The following TMEM260 variants were observed in gnomAD, a reference collection of about 807,000 sequenced individuals.
The protein encoded by TMEM260 is transmembrane protein 260.
In TMEM260, 82 loss-of-function variants were observed where a neutral mutation model predicts 88.9. That is an observed-to-expected ratio of 0.92 (90% confidence interval 0.77 to 1.11). The LOEUF (loss-of-function observed/expected upper bound fraction) is 1.11, where lower values mean the gene tolerates loss of function less well. TMEM260 is among the 50% of genes least tolerant of loss of function. The pLI is 0.00. For synonymous variants in TMEM260, 314 were observed against 309.3 expected (o/e 1.02, Z -0.16); for missense variants, 902 against 853.4 (o/e 1.06, Z -0.71).
intron 6 of TMEM260, among the ~76,000 whole-genome samples, chr14:56,610,354 C>T (rs1385164686): frequency 6.6e-6 from 1 of 152,156 alleles, no homozygotes; most frequent in African/African-American, 2.4e-5. Context: ...CATTCTGCTG[C>T]CTCAGCCTCC....
downstream of TMEM260, among the ~76,000 whole-genome samples, chr14:56,654,617 G>A (rs1485823667): frequency 2.6e-5 from 4 of 151,838 alleles, no homozygotes; most frequent in African/African-American, 9.7e-5. Flanking sequence ...TCAGGAGTTC[G>A]AGACCAGCCT....
At position 56,603,857 on chromosome 14, in the gene TMEM260, G is replaced by A. The variant is rs1162455919; in HGVS notation, c.387G>A (p.Val129=). 2 of 1,613,864 alleles carry A rather than the reference G, an allele frequency of 1.2e-6. No individual in the cohort carries two copies. Among genetic ancestry groups the A allele is most frequent in the Non-Finnish European group, 1.7e-6 (2 of 1,179,840 alleles). ...CTGGAGGAATCCTTGCTGCGGGGGTGTTTTCATTTTCTCGTCTAACATGGC... is the reference window on the plus strand; with the variant it reads ...CTGGAGGAATCCTTGCTGCGGGGGTATTTTCATTTTCTCGTCTAACATGGC... The part of the protein sequence containing the change: ...SSAGGILAAG[V]FSFSRLTWQW... The change falls in exon 4 of 16, where the codon GTG becomes GTA. Residue 129 remains valine (V), a synonymous_variant. Coordinates refer to ENST00000261556, the MANE Select transcript of TMEM260 (RefSeq NM_017799.4).
intron 15 of TMEM260, among the ~76,000 whole-genome samples, chr14:56,645,978 G>C (rs899893044): frequency 6.6e-6 from 1 of 152,126 alleles, no homozygotes; most frequent in Non-Finnish European, 1.5e-5. Flanking sequence ...TTTATAACTA[G>C]AGATGGGGTC....
chr14:56,633,245 G>A, intron 13 of TMEM260, 74 bp downstream of exon 13: 1 of 1,271,106 alleles, frequency 7.9e-7, no homozygotes, highest in Non-Finnish European at 1.1e-6. Flanking sequence ...ACTACATTTT[G>A]AGATGCCTTC....
Position 56,634,915 on chromosome 14 carries a change from T to A in TMEM260, c.1741T>A (p.Trp581Arg). ...TAACTACAGGTTTGATCCATCTTCT[T>A]GGGAATCTGTGGCCAATGAAGAAAT... ...EEYGRFDPSS[W>R]ESVANEEMWQ... Residue 581 changes from tryptophan (W) to arginine (R), a missense_variant, in exon 14 of 16, where the codon TGG (tryptophan) becomes AGG (arginine). Transcript: ENST00000261556. 1 of 1,614,046 alleles carries A rather than the reference T, an allele frequency of 6.2e-7. No homozygotes were observed. The highest frequency in any genetic ancestry group is 8.5e-7 in the Non-Finnish European group (1 of 1,179,966).
intron 15 of TMEM260, among the ~76,000 whole-genome samples, chr14:56,645,566 C>T (rs1268832436): frequency 6.6e-6 from 1 of 152,116 alleles, no homozygotes; most frequent in Non-Finnish European, 1.5e-5. Flanking sequence ...ATGGGTGCAG[C>T]ACACCAACAT....
At chr14:56,614,717 ACCCACAC>A (rs1887495105) in intron 7 of TMEM260, among the ~76,000 whole-genome samples, 1 of 148,162 alleles carries the variant, frequency 6.7e-6, no homozygotes. Flanking sequence ...GACCACTCAC[ACCCACAC>A]TTCTGTGTTC....
chr14:56,581,197 A>G (rs564406117), intron 1 of TMEM260, among the ~76,000 whole-genome samples: 14 of 152,288 alleles, frequency 9.2e-5, no homozygotes, highest in African/African-American at 3.4e-4. Flanking sequence ...TAAGTGATAT[A>G]CCACTTCTGC....
chr14:56,612,274 T>G lies in TMEM260; in HGVS notation c.846T>G (p.Ser282=). ...AATCTGAAATAGGATCCAGTATGTCTGAAATACTGCTGTGAGTATGAAATA... is the reference window on the plus strand; with the variant it reads ...AATCTGAAATAGGATCCAGTATGTCGGAAATACTGCTGTGAGTATGAAATA... ...LAKSEIGSSM[S]EILLSQVTNM... is the part of the protein sequence containing the mutation. The change falls in exon 7 of 16, where the codon TCT becomes TCG. Residue 282 remains serine, a synonymous_variant. Transcript: ENST00000261556. 1 of 1,612,918 alleles carries G rather than the reference T, an allele frequency of 6.2e-7. No individual in the cohort carries two copies. The highest frequency in any genetic ancestry group is 8.5e-7 in the Non-Finnish European group (1 of 1,178,982).
chr14:56,603,463 A>G (rs1164678872), intron 3 of TMEM260, among the ~76,000 whole-genome samples: 1 of 152,188 alleles, frequency 6.6e-6, no homozygotes, highest in Non-Finnish European at 1.5e-5. Flanking sequence ...GGTCTTAACT[A>G]GGCCATCCTT....
chr14:56,610,154 G>A (rs965028734), intron 6 of TMEM260, among the ~76,000 whole-genome samples: 6 of 152,056 alleles, frequency 3.9e-5, no homozygotes, highest in African/African-American at 1.4e-4. Context: ...GTGGGATAAG[G>A]AAGAAAAAGT....
chr14:56,600,263 C>CA (rs1313359746), intron 3 of TMEM260, among the ~76,000 whole-genome samples: 2 of 152,116 alleles, frequency 1.3e-5, no homozygotes, highest in African/African-American at 4.8e-5. Context: ...TAGAGGCGTA[C>CA]GTCCTCTCTT....
At chr14:56,631,650 G>A (rs1888611674) in intron 12 of TMEM260, among the ~76,000 whole-genome samples, 1 of 150,490 alleles carries the variant, frequency 6.6e-6, no homozygotes, top group Admixed American at 6.6e-5. Flanking sequence ...AGACTGTGCA[G>A]TGTGTTTACT....
At chr14:56,634,868 GA>G in intron 13 of TMEM260, 30 bp from the exon 14 acceptor site, 1 of 1,581,178 alleles carries the variant, frequency 6.3e-7, no homozygotes, top group Non-Finnish European at 8.6e-7. Context: ...GTGGGTGACA[GA>G]AAGATATTAC....
In TMEM260 at chr14:56,584,984, A is replaced by G; in HGVS notation, c.161-17A>G. 1 of 1,608,792 alleles carries G rather than the reference A, an allele frequency of 6.2e-7. No homozygotes were observed. Among genetic ancestry groups the G allele is most frequent in the Non-Finnish European group, 8.5e-7 (1 of 1,177,322 alleles). On this transcript the variant is annotated splice_polypyrimidine_tract_variant and intron_variant, in intron 1 of 15. Coordinates refer to ENST00000261556, the MANE Select transcript of TMEM260 (RefSeq NM_017799.4). The stretch of plus-strand genomic sequence containing the variant: ...TTCTCTAATAGTAATTATTGGTTTT[A>G]CATTATTTTTTCACAGGGGAACTGA...
At chr14:56,662,750 T>C in the TMEM260 span, among the ~76,000 whole-genome samples, 1 of 152,196 alleles carries the variant, frequency 6.6e-6, no homozygotes, top group Admixed American at 6.5e-5. Context: ...CGAACTACGC[T>C]CACATCCAGA....
intron 12 of TMEM260, among the ~76,000 whole-genome samples, chr14:56,627,625 G>A (rs763731498): frequency 2.6e-5 from 4 of 151,994 alleles, no homozygotes; most frequent in African/African-American, 4.8e-5. Flanking sequence ...CAAAGGACAT[G>A]CATTATTTAA....
intron 3 of TMEM260, among the ~76,000 whole-genome samples, chr14:56,600,924 A>G (rs1180803701): frequency 6.6e-6 from 1 of 152,180 alleles, no homozygotes; most frequent in Non-Finnish European, 1.5e-5. Context: ...TGGTTTCACA[A>G]ATTATTTCTG....
intron 3 of TMEM260, among the ~76,000 whole-genome samples, chr14:56,594,089 T>C (rs1453788574): frequency 6.6e-6 from 1 of 152,270 alleles, no homozygotes; most frequent in Non-Finnish European, 1.5e-5. Context: ...ATGATTTTTA[T>C]CTTTCTGTAA....
Sources: allele counts gnomAD v4.1 joint callset (sites outside exome capture counted in the v4.1 genomes callset), GRCh38; gene constraint gnomAD v4.1.1; transcripts MANE v1.5; gene names NCBI Gene and HGNC (gene_info 2026-07-23, HGNC 2026-07-21).